Variants in CCDC141 observed in about 807,000 individuals in gnomAD.
CCDC141 encodes the protein coiled-coil domain-containing protein 141.
CCDC141 carries 168 observed loss-of-function variants against 181.0 expected under a neutral mutation model. The observed-to-expected ratio is 0.93, with a 90% CI of 0.82 to 1.05. The LOEUF is 1.05. Among genes scored for constraint, CCDC141 ranks in the 50% least tolerant of loss-of-function variants. The pLI is 0.00. For synonymous variants in CCDC141, 666 were observed against 642.3 expected, an observed-to-expected ratio of 1.04 and a Z score of -0.56; for missense variants, 1,902 against 1,788.5, an observed-to-expected ratio of 1.06 and a Z score of -1.14.
At chr2:178,927,844 A>G (rs1031879587) in intron 6 of CCDC141, among the ~76,000 whole-genome samples, 2 of 152,188 alleles carry the variant, frequency 1.3e-5, no homozygotes, top group Admixed American at 6.5e-5. Context: ...GAAGCAACGA[A>G]GAGACAAAAA....
At chr2:178,980,601 C>T (rs1031412212) in intron 2 of CCDC141, among the ~76,000 whole-genome samples, 1 of 152,130 alleles carries the variant, frequency 6.6e-6, no homozygotes, top group African/African-American at 2.4e-5. Flanking sequence ...TTTACGTGCC[C>T]TTGCTCTACC....
intron 5 of CCDC141, among the ~76,000 whole-genome samples, chr2:178,951,861 T>A (rs1689964159): frequency 6.6e-6 from 1 of 152,212 alleles, no homozygotes; most frequent in Non-Finnish European, 1.5e-5. Flanking sequence ...GGCACACTCA[T>A]CACTTCTGAG....
chr2:178,978,636 C>T lies in CCDC141; in HGVS notation c.265G>A (p.Asp89Asn). Residue 89 changes from aspartate to asparagine, a missense_variant, in exon 3 of 24, where the codon GAC becomes AAC. Asp to Asn is a conservative substitution (Grantham distance 23, BLOSUM62 1). Transcript: ENST00000443758. ...DRVWELLQEA[D>N]KTAEENKDQS... is the part of the protein sequence containing the mutation. ...TCCTTGTTCTCTTCAGCTGTCTTGT[C>T]TGCTTCCTGCAAGAGTTCCCATACC... is the stretch of plus-strand genomic sequence containing the variant. 9 of 1,547,130 alleles carry T rather than the reference C, an allele frequency of 5.8e-6. No homozygotes were observed. Among genetic ancestry groups the T allele is most frequent in the Non-Finnish European group, 7.9e-6 (9 of 1,145,508 alleles).
At chr2:179,015,083 T>TATATAATATATATATAATC (rs1553502712) in intron 2 of CCDC141, among the ~76,000 whole-genome samples, 1 of 39,066 alleles carries the variant, frequency 2.6e-5, no homozygotes, top group Non-Finnish European at 6.4e-5. Flanking sequence ...TATATATATA[T>TATATAATATATATATAATC]ATATATATAT....
At chr2:178,932,657 A>G (rs1575233608) in intron 6 of CCDC141, among the ~76,000 whole-genome samples, 2 of 152,150 alleles carry the variant, frequency 1.3e-5, no homozygotes, top group South Asian at 4.2e-4. Flanking sequence ...TGGAACACTC[A>G]TATGTAATTG....
In CCDC141 at chr2:178,886,780, T is replaced by G; in HGVS notation, c.1499A>C (p.Lys500Thr). 2 of 1,462,438 alleles carry G rather than the reference T, an allele frequency of 1.4e-6. No individual in the cohort carries two copies. The highest frequency in any genetic ancestry group is 1.8e-6 in the Non-Finnish European group (2 of 1,092,838). 90.6% of individuals were successfully genotyped at this position (1,462,438 alleles called of 1,614,324 possible). The part of the protein sequence containing the change: ...TRSESEKILN[K>T]YLELDIQAKE... Reference sequence around the variant, plus strand: ...AGCTTGGATATCTAGTTCCAGATATTTATTCAAAATCTTCTCTGATTCAGA... The same window carrying G: ...AGCTTGGATATCTAGTTCCAGATATGTATTCAAAATCTTCTCTGATTCAGA... The change falls in exon 10 of 24, where the codon AAA (lysine) becomes ACA (threonine). Residue 500 changes from lysine (K) to threonine (T), a missense_variant. Transcript: ENST00000443758.
intron 2 of CCDC141, among the ~76,000 whole-genome samples, chr2:178,980,931 C>A (rs951188733): frequency 1.3e-5 from 2 of 152,058 alleles, no homozygotes; most frequent in African/African-American, 2.4e-5. Context: ...TAACACTAGT[C>A]TGAAGAAAGC....
chr2:179,024,852 TG>T (rs1317170846), intron 2 of CCDC141, among the ~76,000 whole-genome samples: 1 of 152,230 alleles, frequency 6.6e-6, no homozygotes, highest in Non-Finnish European at 1.5e-5. Context: ...AATGTTTCTT[TG>T]GGTTATAGTC....
intron 7 of CCDC141, among the ~76,000 whole-genome samples, chr2:178,916,845 A>T (rs1688473186): frequency 6.6e-6 from 1 of 152,130 alleles, no homozygotes; most frequent in South Asian, 2.1e-4. Context: ...TAGAAATCGA[A>T]AGTCTTTGTG....
intron 2 of CCDC141, among the ~76,000 whole-genome samples, chr2:178,998,742 T>A (rs1411904243): frequency 6.6e-6 from 1 of 152,138 alleles, no homozygotes; most frequent in Non-Finnish European, 1.5e-5. Flanking sequence ...TCTCTTCCTA[T>A]TTTTAAACAT....
At chr2:178,989,538 G>A (rs1691927832) in intron 2 of CCDC141, among the ~76,000 whole-genome samples, 1 of 150,616 alleles carries the variant, frequency 6.6e-6, no homozygotes, top group Non-Finnish European at 1.5e-5. Context: ...AGGTTGCAGT[G>A]AGCTGAGATC....
chr2:178,819,573 TA>T, the CCDC141 span, among the ~76,000 whole-genome samples: 1 of 152,232 alleles, frequency 6.6e-6, no homozygotes, highest in African/African-American at 2.4e-5. Flanking sequence ...CTTGTTTCCT[TA>T]AATAGTGGTT....
the CCDC141 span, chr2:178,817,793 TCCTC>T: frequency 1.0e-4 from 22 of 218,278 alleles, 1 homozygote; most frequent in South Asian, 4.3e-4. Flanking sequence ...CTTCCTTCCT[TCCTC>T]CCTCCCTCCC....
In CCDC141 at chr2:178,969,131, G is replaced by T. The variant is rs1289786686; in HGVS notation, c.526+5926C>A. On this transcript the variant is annotated intron_variant, in intron 4 of 23. Transcript: ENST00000443758. ...AAAAAAAAAAAAAAAAAAAAAAAAA[G>T]CCCAGGACCAGACGGATTCACAGCT... Among the ~76,000 whole-genome samples the T allele has an allele frequency of 9.4e-3, 461 of 49,254 alleles. 1 individual carries two copies. The highest frequency in any genetic ancestry group is 0.015 in the Non-Finnish European group (365 of 24,044). 32.3% of individuals were successfully genotyped at this position (49,254 alleles called of 152,430 possible).
chr2:178,832,484 C>CAAA lies in CCDC141; in HGVS notation c.*1686_*1688dup, dbSNP rs1250133085. The CAAA allele has an allele frequency of 8.4e-6, 1 of 119,264 alleles. No individual in the cohort carries two copies. Among genetic ancestry groups the CAAA allele is most frequent in the Non-Finnish European group, 1.7e-5 (1 of 59,254 alleles). The allele number at this position is 119,264 out of a possible 1,614,324, so 7.4% of individuals were successfully genotyped here. On this transcript the variant is annotated 3_prime_UTR_variant, in exon 24 of 24. Coordinates refer to ENST00000443758, the MANE Select transcript of CCDC141 (RefSeq NM_173648.4). ...CTTTCTCAAAAAAAAAAAAAAAAAA[C>CAAA]AAAAAAAACAAAAAAAAGATAGTTA...
At chr2:178,976,343 T>A (rs1691121655) in intron 3 of CCDC141, among the ~76,000 whole-genome samples, 1 of 152,194 alleles carries the variant, frequency 6.6e-6, no homozygotes, top group African/African-American at 2.4e-5. Flanking sequence ...CTCCAAACTA[T>A]CATTTTTGAA....
chr2:179,043,978 G>A (rs879832061), intron 2 of CCDC141, among the ~76,000 whole-genome samples: 11 of 152,150 alleles, frequency 7.2e-5, no homozygotes, highest in Admixed American at 1.3e-4. Flanking sequence ...CAAAATCAAC[G>A]TGCAAAAACC....
chr2:178,819,325 C>G, the CCDC141 span, among the ~76,000 whole-genome samples: 1 of 152,132 alleles, frequency 6.6e-6, no homozygotes, highest in African/African-American at 2.4e-5. Flanking sequence ...GCTGATATGT[C>G]AGGGCAGTGG....
chr2:179,034,290 T>C (rs1037583916), intron 2 of CCDC141, among the ~76,000 whole-genome samples: 2 of 152,078 alleles, frequency 1.3e-5, no homozygotes, highest in Admixed American at 6.6e-5. Flanking sequence ...GGGAGCTACA[T>C]GATGACAGAT....
Sources: gnomAD v4.1 joint callset for allele counts (sites outside exome capture counted in the v4.1 genomes callset) on GRCh38, gnomAD v4.1.1 for gene constraint, MANE v1.5 for transcripts, NCBI Gene and HGNC (gene_info 2026-07-23, HGNC 2026-07-21) for gene names.